The following OPTN variants were observed in gnomAD, a reference collection of about 807,000 sequenced individuals.
OPTN encodes E3-14.7K-interacting protein.
Under a neutral mutation model 70.4 loss-of-function variants are expected in OPTN, and 54 were observed. That is an observed-to-expected ratio of 0.77 (90% CI 0.62 to 0.96). The LOEUF is 0.96. Among genes scored for constraint, OPTN ranks in the 40% least tolerant of loss-of-function variants. The probability of loss-of-function intolerance (pLI) is 0.00; values close to 1 mark genes in which losing one functional copy is unlikely to be tolerated. For missense variants in OPTN, 624 were observed against 673.2 expected (o/e 0.93, Z 0.81); for synonymous variants, 256 against 248.5 (o/e 1.03, Z -0.28).
At chr10:13,117,026 C>T (rs1265205319) in intron 6 of OPTN, among the ~76,000 whole-genome samples, 1 of 151,928 alleles carries the variant, frequency 6.6e-6, no homozygotes, top group Non-Finnish European at 1.5e-5. Flanking sequence ...AAGCTGCTTA[C>T]TCCTGTAATC....
At chr10:13,129,380 G>C (rs1006778152) in intron 12 of OPTN, among the ~76,000 whole-genome samples, 2 of 149,738 alleles carry the variant, frequency 1.3e-5, no homozygotes, top group Non-Finnish European at 3.0e-5. Flanking sequence ...TTGAGACAGA[G>C]TCTAGCTCTG....
At chr10:13,107,967 T>C (rs548752465) in intron 1 of OPTN, among the ~76,000 whole-genome samples, 171 bp from the exon 2 acceptor site, 120 of 152,324 alleles carry the variant, frequency 7.9e-4, no homozygotes, top group African/African-American at 2.8e-3. Flanking sequence ...GATTTACTCA[T>C]TGGTCTTGCA....
At position 13,132,398 on chromosome 10, in the gene OPTN, C is replaced by T. The variant is rs373632413; in HGVS notation, c.1532+201C>T. 2.6e-5 allele frequency among the ~76,000 whole-genome samples: 4 copies of T among 152,304 alleles called. No homozygotes were observed. In the East Asian group the frequency reaches 7.7e-4, roughly 29 times the overall value. ...TTGCTTCACTTACACTTCATGTGAT[C>T]ATGTTCCCAACACTTAGTTTGTCTT... On this transcript the variant is annotated intron_variant, in intron 13 of 14. Coordinates refer to ENST00000378747, the MANE Select transcript of OPTN (RefSeq NM_001008212.2).
intron 6 of OPTN, chr10:13,116,586 C>A: frequency 1.8e-6 from 1 of 551,002 alleles, no homozygotes; most frequent in Non-Finnish European, 3.3e-6. Flanking sequence ...GTCTCACCTC[C>A]AGCAGATGAA....
intron 14 of OPTN, among the ~76,000 whole-genome samples, chr10:13,136,126 G>A (rs1024573596): frequency 1.3e-5 from 2 of 152,120 alleles, no homozygotes; most frequent in Non-Finnish European, 2.9e-5. Context: ...GTTAGAGGCT[G>A]CAGTGAGCTA....
chr10:13,133,298 C>T (rs1394262085), intron 13 of OPTN, among the ~76,000 whole-genome samples: 6 of 152,102 alleles, frequency 3.9e-5, no homozygotes, highest in Non-Finnish European at 4.4e-5. Flanking sequence ...TTGGTTATTT[C>T]CTGATTTTTT....
chr10:13,134,826 A>G (rs1429519106), intron 14 of OPTN, among the ~76,000 whole-genome samples: 2 of 152,246 alleles, frequency 1.3e-5, no homozygotes, highest in Non-Finnish European at 1.5e-5. Context: ...GAGGTCTCCT[A>G]GAACAGAATG....
intron 5 of OPTN, among the ~76,000 whole-genome samples, chr10:13,114,279 C>T (rs987922536): frequency 2.0e-5 from 3 of 152,046 alleles, no homozygotes; most frequent in Non-Finnish European, 2.9e-5. Context: ...CATCCATTCC[C>T]CCTCATACAT....
At position 13,128,365 on chromosome 10, in the gene OPTN, C is replaced by T. The variant is rs146321431; in HGVS notation, c.1401+462C>T. Among the ~76,000 whole-genome samples the T allele has an allele frequency of 6.3e-3, 948 of 151,068 alleles. 9 individuals are homozygous for T. The highest frequency in any genetic ancestry group is 0.027 in the Middle Eastern group (8 of 294). ...AACACTTCTATTATCAGTCATTTTC[C>T]TTTAACCACTCTGGAGGGTATATAG... On this transcript the variant is annotated intron_variant, in intron 12 of 14. Transcript: ENST00000378747.
chr10:13,105,934 A>G (rs1484792887), intron 1 of OPTN, among the ~76,000 whole-genome samples: 1 of 151,832 alleles, frequency 6.6e-6, no homozygotes, highest in East Asian at 1.9e-4. Context: ...TTCATTGAGG[A>G]AAAAAATCTT....
intron 12 of OPTN, among the ~76,000 whole-genome samples, chr10:13,129,311 A>G (rs758111587): frequency 6.6e-6 from 1 of 150,694 alleles, no homozygotes; most frequent in Non-Finnish European, 1.5e-5. Flanking sequence ...GTCTACTCAT[A>G]TATCTTTGCT....
At position 13,123,962 on chromosome 10, in the gene OPTN, G is replaced by T. The variant is rs140438390; in HGVS notation, c.883-33G>T. On this transcript the variant is annotated intron_variant, in intron 8 of 14. Transcript: ENST00000378747. Reference sequence around the variant, plus strand: ...GTTTGTTTAATGTCAGATGATAATTGTACAGATATGTTTGGGATTTCCCGT... The same window carrying T: ...GTTTGTTTAATGTCAGATGATAATTTTACAGATATGTTTGGGATTTCCCGT... The T allele has an allele frequency of 2.7e-6, 4 of 1,473,036 alleles. No individual in the cohort carries two copies. In the African/African-American group the frequency reaches 5.5e-5, roughly 20 times the overall value. The allele number at this position is 1,473,036 out of a possible 1,614,324, so 91.2% of individuals were successfully genotyped here.
At chr10:13,105,933 G>GA (rs1214678241) in intron 1 of OPTN, among the ~76,000 whole-genome samples, 1 of 151,578 alleles carries the variant, frequency 6.6e-6, no homozygotes, top group African/African-American at 2.4e-5. Flanking sequence ...GTTCATTGAG[G>GA]AAAAAAATCT....
chr10:13,105,523 G>C (rs1391965435), intron 1 of OPTN, among the ~76,000 whole-genome samples: 1 of 152,114 alleles, frequency 6.6e-6, no homozygotes, highest in African/African-American at 2.4e-5. Context: ...ATAAAATCCG[G>C]GCAATGTGAG....
rs56147136 is a variant in OPTN at position 13,128,502 on chromosome 10, C to CTTTTTTTTTTTTTTTTTTTTTTTTTTTT, written c.1401+604_1401+631dup. Among the ~76,000 whole-genome samples the CTTTTTTTTTTTTTTTTTTTTTTTTTTTT allele has an allele frequency of 1.8e-4, 6 of 33,488 alleles. 1 individual carries two copies. The highest frequency in any genetic ancestry group is 3.3e-4 in the African/African-American group (2 of 6,140). The allele number at this position is 33,488 out of a possible 152,430, so 22.0% of individuals were successfully genotyped here. ...TTGTGAAGTGCCTTATCAAGCCTGCCTTTTTTTTTTTTTTTTTTTTTTTTT... is the reference window on the plus strand; with the variant it reads ...TTGTGAAGTGCCTTATCAAGCCTGCCTTTTTTTTTTTTTTTTTTTTTTTTTTTTTTTTTTTTTTTTTTTTTTTTTTTTT... On this transcript the variant is annotated intron_variant, in intron 12 of 14. Transcript: ENST00000378747.
At chr10:13,131,095 AT>A (rs1833584944) in intron 12 of OPTN, among the ~76,000 whole-genome samples, 1 of 151,844 alleles carries the variant, frequency 6.6e-6, no homozygotes. Context: ...GATTTTTTGT[AT>A]TTTTAGTAGC....
Position 13,122,529 on chromosome 10 carries a change from A to T in OPTN, c.882+42A>T, listed in dbSNP as rs1411719677. The T allele has an allele frequency of 5.5e-6, 7 of 1,268,908 alleles. No homozygotes were observed. In the African/African-American group the frequency reaches 8.8e-5, roughly 16 times the overall value. 78.6% of individuals were successfully genotyped at this position (1,268,908 alleles called of 1,614,324 possible). On this transcript the variant is annotated intron_variant, in intron 8 of 14. Transcript: ENST00000378747. ...CACGGCCACTACCACACCCACACAC[A>T]CGAGAGTAGTCCAGCCACTGAATTC...
intron 12 of OPTN, among the ~76,000 whole-genome samples, chr10:13,131,727 TTAAG>T (rs1193517662): frequency 2.0e-5 from 3 of 152,372 alleles, no homozygotes; most frequent in Non-Finnish European, 2.9e-5. Flanking sequence ...ATTTACTATA[TTAAG>T]TAATCATTTA....
intron 12 of OPTN, 134 bp from the exon 13 acceptor site, chr10:13,131,933 T>G: frequency 2.4e-6 from 2 of 838,292 alleles, no homozygotes; most frequent in Non-Finnish European, 1.9e-6. Flanking sequence ...ATTATACTGT[T>G]TTCTAGCAGG....
Sources: allele counts gnomAD v4.1 joint callset (sites outside exome capture counted in the v4.1 genomes callset), GRCh38; gene constraint gnomAD v4.1.1; transcripts MANE v1.5; gene names NCBI Gene and HGNC (gene_info 2026-07-23, HGNC 2026-07-21).